Variants in KLHDC4 observed in about 807,000 individuals in gnomAD.
The protein encoded by KLHDC4 is kelch domain-containing protein 4.
Under a neutral mutation model 62.4 loss-of-function variants are expected in KLHDC4, and 90 were observed. That is an observed-to-expected ratio of 1.44 (90% CI 1.22 to 1.72). The LOEUF (loss-of-function observed/expected upper bound fraction) is 1.72, where lower values mean the gene tolerates loss of function less well. Ranked by LOEUF, KLHDC4 falls within the 40% of genes most tolerant of loss-of-function variation. The pLI is 0.00. For synonymous variants in KLHDC4, 386 were observed against 284.4 expected (o/e 1.36, Z -3.59); for missense variants, 1,025 against 699.7 (o/e 1.47, Z -5.25).
intron 7 of KLHDC4, among the ~76,000 whole-genome samples, chr16:87,714,810 A>G (rs2036611193): frequency 6.6e-6 from 1 of 152,204 alleles, no homozygotes; most frequent in African/African-American, 2.4e-5. Context: ...ATCACACAGT[A>G]CACTAGAGTT....
chr16:87,700,839 C>CGGAGGGAGGACGTTGGAGGGT (rs1298500129), exon 1 of KLHDC4: 7,493 of 85,824 alleles, frequency 0.087, 355 homozygotes, highest in Admixed American at 0.2. Context: ...GGTTGGAGGG[C>CGGAGGGAGGACGTTGGAGGGT]GGAGGGAGGA....
intron 7 of KLHDC4, among the ~76,000 whole-genome samples, chr16:87,721,744 TCG>T (rs1265309718): frequency 6.6e-6 from 1 of 152,238 alleles, no homozygotes; most frequent in Non-Finnish European, 1.5e-5. Flanking sequence ...CTCCACGGCC[TCG>T]CGGTAACAGT....
At chr16:87,717,679 C>T (rs183348862) in intron 7 of KLHDC4, among the ~76,000 whole-genome samples, 312 of 150,442 alleles carry the variant, frequency 2.1e-3, no homozygotes, top group Admixed American at 3.5e-3. Context: ...CCTGCTTTTC[C>T]AAACCTAAGG....
chr16:87,705,931 G>A (rs1042342893), downstream of KLHDC4, among the ~76,000 whole-genome samples: 2 of 152,246 alleles, frequency 1.3e-5, no homozygotes, highest in East Asian at 1.9e-4. Flanking sequence ...CAGACCGGCC[G>A]CCAAAGCCGG....
intron 1 of KLHDC4, 104 bp downstream of exon 1, chr16:87,765,688 G>A: frequency 8.8e-7 from 1 of 1,130,008 alleles, no homozygotes; most frequent in Non-Finnish European, 1.2e-6. Flanking sequence ...CCGCAGGGCC[G>A]GCGCGGCTCC....
intron 7 of KLHDC4, among the ~76,000 whole-genome samples, chr16:87,717,173 G>T (rs974273235): frequency 6.6e-6 from 1 of 152,144 alleles, no homozygotes; most frequent in African/African-American, 2.4e-5. Context: ...AGAGGCTGCA[G>T]TGAGCCAAGA....
At chr16:87,703,812 C>T (rs939701289), downstream of KLHDC4, among the ~76,000 whole-genome samples, 4 of 152,226 alleles carry the variant, frequency 2.6e-5, no homozygotes, top group East Asian at 5.8e-4. Flanking sequence ...TTGTGTGCCT[C>T]GGGACACCAG....
Position 87,726,756 on chromosome 16 carries a change from C to T in KLHDC4, c.759+9G>A, listed in dbSNP as rs112664352. The T allele has an allele frequency of 4.5e-5, 70 of 1,546,028 alleles. 1 individual carries two copies. The highest frequency in any genetic ancestry group is 1.0e-4 in the Admixed American group (5 of 48,824). ...CACGCCTTGCCTGTTTCCCCACCCCCCGCCTTACCTGTTTCGAGTAGCCCC... is the reference window on the plus strand; with the variant it reads ...CACGCCTTGCCTGTTTCCCCACCCCTCGCCTTACCTGTTTCGAGTAGCCCC... On this transcript the variant is annotated intron_variant, in intron 7 of 11. Transcript: ENST00000270583.
chr16:87,762,240 T>C (rs1188557014), intron 1 of KLHDC4, 200 bp from the exon 2 acceptor site: 4 of 1,123,832 alleles, frequency 3.6e-6, no homozygotes, highest in Non-Finnish European at 3.6e-6. Flanking sequence ...GCAGTCTGCT[T>C]AAAGGGTAGA....
In KLHDC4 at chr16:87,711,207, G is replaced by A. The variant is rs370016131; in HGVS notation, c.1044+28C>T. On this transcript the variant is annotated intron_variant, in intron 9 of 11. Coordinates refer to ENST00000270583, the MANE Select transcript of KLHDC4 (RefSeq NM_017566.4). ...GACCCAAGTTAGGGCTGCGCACCAC[G>A]GCGCATGCTACTCAGAGGTTGCACT... 95 of 1,611,258 alleles carry A rather than the reference G, an allele frequency of 5.9e-5. 1 individual carries two copies. Among genetic ancestry groups the A allele is most frequent in the African/African-American group, 3.6e-4 (27 of 74,892 alleles).
At chr16:87,708,518 G>C (rs1472361466) in intron 10 of KLHDC4, 52 bp from the exon 11 acceptor site, 1 of 1,437,764 alleles carries the variant, frequency 7.0e-7, no homozygotes, top group Non-Finnish European at 9.5e-7. Flanking sequence ...GAGGCAGGTG[G>C]GGGAGGCTGC....
intron 5 of KLHDC4, among the ~76,000 whole-genome samples, chr16:87,732,152 G>A (rs7190280): frequency 0.65 from 96,627 of 149,754 alleles, 31,442 homozygotes; most frequent in African/African-American, 0.74. Context: ...CCGGAGTGCA[G>A]TGGTGCAATC....
chr16:87,727,818 CT>C (rs1280537874), intron 6 of KLHDC4, among the ~76,000 whole-genome samples: 1 of 152,136 alleles, frequency 6.6e-6, no homozygotes, highest in East Asian at 1.9e-4. Context: ...CGGTTTTCTC[CT>C]GTTTGTTCCT....
chr16:87,764,084 A>G (rs150753063), intron 1 of KLHDC4, among the ~76,000 whole-genome samples: 11 of 152,322 alleles, frequency 7.2e-5, no homozygotes, highest in Admixed American at 1.3e-4. Context: ...ACTGTCCCCA[A>G]TCCTTCCCCC....
intron 5 of KLHDC4, among the ~76,000 whole-genome samples, chr16:87,737,326 G>A (rs35033296): frequency 0.057 from 8,673 of 151,530 alleles, 314 homozygotes; most frequent in South Asian, 0.15. Flanking sequence ...GGTGGCTCAC[G>A]CCTGTAATCC....
downstream of KLHDC4, among the ~76,000 whole-genome samples, chr16:87,706,547 T>C (rs1442068803): frequency 6.6e-6 from 1 of 152,092 alleles, no homozygotes; most frequent in African/African-American, 2.4e-5. Context: ...ACCAGACAGG[T>C]GTCCCCACCA....
At chr16:87,741,705 C>T (rs1173820753) in intron 5 of KLHDC4, among the ~76,000 whole-genome samples, 1 of 152,172 alleles carries the variant, frequency 6.6e-6, no homozygotes, top group African/African-American at 2.4e-5. Flanking sequence ...GACCAGATAA[C>T]AGGAGGGACT....
At chr16:87,707,583 G>C (rs1271556463), downstream of KLHDC4, among the ~76,000 whole-genome samples, 3 of 152,214 alleles carry the variant, frequency 2.0e-5, no homozygotes, top group Non-Finnish European at 4.4e-5. Context: ...TGTGAATATG[G>C]ATGGGCAGTC....
intron 5 of KLHDC4, among the ~76,000 whole-genome samples, chr16:87,737,315 C>T (rs548571573): frequency 4.6e-5 from 7 of 151,810 alleles, no homozygotes; most frequent in South Asian, 2.1e-4. Context: ...AGGCCAGGGG[C>T]GGTGGCTCAC....
Sources: allele counts gnomAD v4.1 joint callset (sites outside exome capture counted in the v4.1 genomes callset), GRCh38; gene constraint gnomAD v4.1.1; transcripts MANE v1.5; gene names NCBI Gene and HGNC (gene_info 2026-07-23, HGNC 2026-07-21).